Variants in IQGAP2 observed in about 807,000 individuals in gnomAD.
The protein encoded by IQGAP2 is ras GTPase-activating-like protein IQGAP2.
Under a neutral mutation model 201.3 loss-of-function variants are expected in IQGAP2, and 173 were observed. The ratio of observed to expected loss-of-function variants is 0.86; its 90% CI spans 0.76 to 0.98. The LOEUF (loss-of-function observed/expected upper bound fraction) is 0.98. Among genes scored for constraint, IQGAP2 ranks in the 50% least tolerant of loss-of-function variants. The pLI is 0.00. For synonymous variants in IQGAP2, 675 were observed against 673.9 expected (o/e 1.00, Z -0.03); for missense variants, 1,687 against 1,864.8 (o/e 0.90, Z 1.76).
intron 1 of IQGAP2, among the ~76,000 whole-genome samples, chr5:76,408,117 C>T (rs113237264): frequency 0.036 from 5,492 of 152,120 alleles, 338 homozygotes; most frequent in African/African-American, 0.12. Context: ...GCCGAGATCA[C>T]GCCACTGCGT....
intron 17 of IQGAP2, among the ~76,000 whole-genome samples, chr5:76,645,989 A>C (rs1752006680): frequency 6.6e-6 from 1 of 152,212 alleles, no homozygotes; most frequent in African/African-American, 2.4e-5. Flanking sequence ...ATTCCAGAAG[A>C]GCAGAATAGG....
chr5:76,564,849 G>A (rs1744633046), intron 3 of IQGAP2, among the ~76,000 whole-genome samples: 3 of 152,230 alleles, frequency 2.0e-5, no homozygotes, highest in Admixed American at 2.0e-4. Flanking sequence ...GCAGGAAGGA[G>A]GGAGGTGCAG....
chr5:76,467,527 A>G (rs1468122691), intron 2 of IQGAP2, among the ~76,000 whole-genome samples: 2 of 152,246 alleles, frequency 1.3e-5, no homozygotes, highest in Non-Finnish European at 2.9e-5. Context: ...CAAAACTCAT[A>G]CATTGCTGAA....
rs1267501693 is a variant in IQGAP2 at position 76,707,384 on chromosome 5, T to A, written c.*71T>A. ...AATGAATTTGTTTAATATTTTTGTT[T>A]TTAAACATGATTGAAATCACTGCTT... On this transcript the variant is annotated 3_prime_UTR_variant, in exon 36 of 36. Coordinates refer to ENST00000274364, the MANE Select transcript of IQGAP2 (RefSeq NM_006633.5). 1.3e-6 allele frequency: 1 copy of A among 767,742 alleles called. No individual in the cohort carries two copies. Among genetic ancestry groups the A allele is most frequent in the Admixed American group, 2.3e-5 (1 of 43,604 alleles). The allele number at this position is 767,742 out of a possible 1,614,324, so 47.6% of individuals were successfully genotyped here.
intron 1 of IQGAP2, among the ~76,000 whole-genome samples, chr5:76,454,377 G>A (rs1753946645): frequency 6.6e-6 from 1 of 151,144 alleles, no homozygotes; most frequent in Non-Finnish European, 1.5e-5. Flanking sequence ...TGCCACGTTG[G>A]TGTGCTGCAC....
At chr5:76,673,734 A>G in intron 25 of IQGAP2, 145 bp downstream of exon 25, 1 of 890,116 alleles carries the variant, frequency 1.1e-6, no homozygotes, top group East Asian at 2.5e-5. Flanking sequence ...TACCTTTTAA[A>G]TTCCTGACTG....
chr5:76,569,316 G>A (rs1462712433), intron 3 of IQGAP2, among the ~76,000 whole-genome samples: 1 of 152,052 alleles, frequency 6.6e-6, no homozygotes, highest in Non-Finnish European at 1.5e-5. Context: ...TTAAAAAATA[G>A]AAATTTATTC....
At chr5:76,485,251 C>G (rs1475464326) in intron 2 of IQGAP2, among the ~76,000 whole-genome samples, 3 of 152,306 alleles carry the variant, frequency 2.0e-5, no homozygotes, top group African/African-American at 7.2e-5. Context: ...GATGACCATG[C>G]TTCTTCGGTA....
At chr5:76,450,740 G>A (rs1028659805) in intron 1 of IQGAP2, among the ~76,000 whole-genome samples, 2 of 152,126 alleles carry the variant, frequency 1.3e-5, no homozygotes, top group Non-Finnish European at 2.9e-5. Flanking sequence ...GTGTGGACCT[G>A]AGCTGATTTT....
At chr5:76,524,072 T>C (rs1274229299) in intron 2 of IQGAP2, among the ~76,000 whole-genome samples, 2 of 152,152 alleles carry the variant, frequency 1.3e-5, no homozygotes, top group African/African-American at 4.8e-5. Flanking sequence ...CTGTGAGATG[T>C]GTGCAAGCCT....
chr5:76,637,204 T>C (rs1368848696), intron 16 of IQGAP2, 28 bp downstream of exon 16: 1 of 1,556,906 alleles, frequency 6.4e-7, no homozygotes, highest in Non-Finnish European at 8.7e-7. Flanking sequence ...GATGGATAAC[T>C]CTACTGTATA....
At chr5:76,491,321 C>T (rs72775783) in intron 2 of IQGAP2, among the ~76,000 whole-genome samples, 4,095 of 152,002 alleles carry the variant, frequency 0.027, 83 homozygotes, top group Non-Finnish European at 0.042. Flanking sequence ...TGCCTTTTTC[C>T]CTCATACTTC....
chr5:76,483,838 G>T (rs1755947440), intron 2 of IQGAP2, among the ~76,000 whole-genome samples: 1 of 152,196 alleles, frequency 6.6e-6, no homozygotes, highest in Non-Finnish European at 1.5e-5. Flanking sequence ...TGGGGGGATG[G>T]GGAGAGGACT....
At chr5:76,523,771 C>T (rs149204952) in intron 2 of IQGAP2, among the ~76,000 whole-genome samples, 6 of 152,020 alleles carry the variant, frequency 3.9e-5, no homozygotes, top group Admixed American at 6.6e-5. Context: ...GATTAATAAT[C>T]GCATTTCTTT....
Position 76,617,525 on chromosome 5 carries a change from G to C in IQGAP2, c.1521+6342G>C, listed in dbSNP as rs572690258. The C allele has an allele frequency of 1.0e-3, 1,415 of 1,377,290 alleles. 15 individuals carry two copies. In the South Asian group the frequency reaches 0.011, roughly 11 times the overall value. 85.3% of individuals were successfully genotyped at this position (1,377,290 alleles called of 1,614,324 possible). A position where few individuals can be genotyped will look rare whatever the true frequency, so the allele number is the denominator to read the frequency against. ...GAGCTCCTTGCACTATGCTTATGTT[G>C]TTCTTGAAAACAGACGTTCTCTGTG... On this transcript the variant is annotated intron_variant, in intron 13 of 35. Coordinates refer to ENST00000274364, the MANE Select transcript of IQGAP2 (RefSeq NM_006633.5).
At chr5:76,643,830 G>A (rs912533959) in intron 17 of IQGAP2, among the ~76,000 whole-genome samples, 6 of 152,160 alleles carry the variant, frequency 3.9e-5, no homozygotes, top group African/African-American at 1.4e-4. Flanking sequence ...CAGGAGCAGT[G>A]GCAGAGTCTG....
intron 1 of IQGAP2, among the ~76,000 whole-genome samples, chr5:76,413,156 C>CTTTTTTTTTTTTT (rs567410789): frequency 4.2e-4 from 35 of 83,716 alleles, no homozygotes; most frequent in African/African-American, 7.3e-4. Context: ...TTTCTTTTCT[C>CTTTTTTTTTTTTT]TTTTTTTTTT....
intron 34 of IQGAP2, 85 bp downstream of exon 34, chr5:76,701,298 G>A: frequency 7.8e-7 from 1 of 1,281,542 alleles, no homozygotes; most frequent in Admixed American, 1.9e-5. Flanking sequence ...GGTCTAGCAA[G>A]GCTTAACCTC....
At chr5:76,627,110 T>C (rs1381800819) in intron 13 of IQGAP2, among the ~76,000 whole-genome samples, 2 of 152,096 alleles carry the variant, frequency 1.3e-5, no homozygotes, top group Admixed American at 6.5e-5. Flanking sequence ...CTGGGCCCTC[T>C]GTAGAGGGCC....
Sources: gnomAD v4.1 joint callset for allele counts (sites outside exome capture counted in the v4.1 genomes callset) on GRCh38, gnomAD v4.1.1 for gene constraint, MANE v1.5 for transcripts, NCBI Gene and HGNC (gene_info 2026-07-23, HGNC 2026-07-21) for gene names.